TJP2: variants seen among roughly 807,000 people sequenced by gnomAD.
TJP2 encodes the protein tight junction protein 2.
In TJP2, 91 loss-of-function variants were observed where a neutral mutation model predicts 133.1. That is an observed-to-expected ratio of 0.68 (90% CI 0.58 to 0.81). The LOEUF is 0.81. TJP2 is among the 40% of genes least tolerant of loss of function. TJP2 has a pLI of 0.00. For synonymous variants in TJP2, 592 were observed against 583.4 expected, an observed-to-expected ratio of 1.01 and a Z score of -0.21; for missense variants, 1,541 against 1,565.6, an observed-to-expected ratio of 0.98 and a Z score of 0.26.
chr9:69,251,303 A>G lies in TJP2; in HGVS notation c.3260A>G (p.Lys1087Arg). Residue 1087 changes from lysine to arginine, a missense_variant, in exon 21 of 23, where the codon AAG becomes AGG. Physicochemically the swap from Lys to Arg is conservative, Grantham distance 26. Transcript: ENST00000377245. ...SVLGKVKIFEKMDHKARLQRM... is the reference protein window; with the variant it reads ...SVLGKVKIFERMDHKARLQRM... ...CTGGGCAAAGTCAAAATATTTGAGA[A>G]GATGGATCACAAGGCCAGGTTACAG... 6.2e-7 allele frequency: 1 copy of G among 1,614,226 alleles called. No individual in the cohort carries two copies.
chr9:69,131,140 A>C (rs1822478984), intron 1 of TJP2, among the ~76,000 whole-genome samples: 1 of 152,188 alleles, frequency 6.6e-6, no homozygotes, highest in South Asian at 2.1e-4. Context: ...AATTAACGTA[A>C]AACCAGGATG....
chr9:69,213,380 G>A (rs780029327), intron 2 of TJP2, among the ~76,000 whole-genome samples: 4 of 152,096 alleles, frequency 2.6e-5, no homozygotes, highest in South Asian at 2.1e-4. Flanking sequence ...TTTTTATTCC[G>A]TCAAGCTGCC....
intron 19 of TJP2, chr9:69,248,784 C>T (rs1054904723): frequency 7.0e-6 from 7 of 994,090 alleles, no homozygotes; most frequent in Non-Finnish European, 8.4e-6. Flanking sequence ...TCCTTGAAAT[C>T]ACATTGACAG....
intron 17 of TJP2, among the ~76,000 whole-genome samples, chr9:69,244,921 G>C (rs1830821052): frequency 6.6e-6 from 1 of 152,072 alleles, no homozygotes; most frequent in African/African-American, 2.4e-5. Context: ...TTAACTTTAG[G>C]TTTTCTTTAT....
Position 69,238,736 on chromosome 9 carries a change from G to A in TJP2, c.2302G>A (p.Glu768Lys), listed in dbSNP as rs1214894716. 2.5e-6 allele frequency: 4 copies of A among 1,614,016 alleles called. No homozygotes were observed. In the Admixed American group the frequency reaches 6.7e-5, roughly 27 times the overall value. ...AKTEPKDAGSEKSTGVVRLNT... is the reference protein window; with the variant it reads ...AKTEPKDAGSKKSTGVVRLNT... ...AACGGAACCAAAAGATGCAGGATCT[G>A]AGAAATCCACTGGAGTGGTCCGGTT... Residue 768 changes from glutamate to lysine, a missense_variant, in exon 16 of 23, where the codon GAG (glutamate) becomes AAG (lysine). By Grantham distance (56) the Glu-to-Lys change is moderately conservative. Coordinates refer to ENST00000377245, the MANE Select transcript of TJP2 (RefSeq NM_004817.4).
At chr9:69,245,086 TGAGCACAG>T (rs373651029) in intron 17 of TJP2, among the ~76,000 whole-genome samples, 317 of 152,342 alleles carry the variant, frequency 2.1e-3, no homozygotes, top group African/African-American at 7.1e-3. Flanking sequence ...AGCTATGAGA[TGAGCACAG>T]TAATCTTTGC....
intron 2 of TJP2, among the ~76,000 whole-genome samples, chr9:69,163,492 T>C (rs1393514226): frequency 5.3e-5 from 8 of 151,936 alleles, no homozygotes; most frequent in African/African-American, 1.9e-4. Context: ...AAAAATTAGC[T>C]GGGCATGGTG....
At chr9:69,235,592 G>T (rs946198559) in intron 12 of TJP2, among the ~76,000 whole-genome samples, 1 of 152,144 alleles carries the variant, frequency 6.6e-6, no homozygotes, top group Non-Finnish European at 1.5e-5. Context: ...AAAGTGCTGG[G>T]ATTATAGGCA....
chr9:69,222,962 T>C (rs1466312441), intron 5 of TJP2, among the ~76,000 whole-genome samples: 1 of 149,506 alleles, frequency 6.7e-6, no homozygotes, highest in African/African-American at 2.4e-5. Flanking sequence ...CCCACTTCTC[T>C]GGAGGCTGAG....
chr9:69,134,932 G>GAGA, intron 1 of TJP2, among the ~76,000 whole-genome samples: 2 of 150,776 alleles, frequency 1.3e-5, no homozygotes, highest in East Asian at 3.9e-4. Context: ...GGAGAGAGAG[G>GAGA]GAGAAGAGAG....
intron 17 of TJP2, among the ~76,000 whole-genome samples, chr9:69,243,506 T>C (rs1244882204): frequency 2.6e-5 from 4 of 152,236 alleles, no homozygotes; most frequent in Non-Finnish European, 5.9e-5. Flanking sequence ...TACTACCAAT[T>C]TTTAAAAATT....
At chr9:69,154,562 G>A (rs1823642505) in intron 2 of TJP2, among the ~76,000 whole-genome samples, 1 of 151,878 alleles carries the variant, frequency 6.6e-6, no homozygotes, top group African/African-American at 2.4e-5. Context: ...GGCTGAGGCG[G>A]GAGGATCGCT....
chr9:69,210,548 GT>G (rs1209062367), intron 1 of TJP2, among the ~76,000 whole-genome samples: 1 of 152,046 alleles, frequency 6.6e-6, no homozygotes, highest in East Asian at 1.9e-4. Flanking sequence ...TAATTGGGGA[GT>G]TTTACATAAT....
At chr9:69,227,632 G>A (rs1829449181) in intron 7 of TJP2, 133 bp from the exon 8 acceptor site, 1 of 664,742 alleles carries the variant, frequency 1.5e-6, no homozygotes, top group East Asian at 2.7e-5. Flanking sequence ...AGGACTATTA[G>A]ACTAATAGCA....
intron 17 of TJP2, among the ~76,000 whole-genome samples, chr9:69,245,216 T>C (rs2133446962): frequency 2.6e-5 from 4 of 152,362 alleles, no homozygotes; most frequent in Admixed American, 2.6e-4. Context: ...CCAAGGAAAT[T>C]GTAAGCTCAT....
intron 1 of TJP2, among the ~76,000 whole-genome samples, chr9:69,211,244 G>A (rs1428706617): frequency 6.6e-6 from 1 of 152,226 alleles, no homozygotes; most frequent in African/African-American, 2.4e-5. Flanking sequence ...GACTGAGTCA[G>A]GAGAATCGCT....
chr9:69,164,165 A>T (rs777949690), intron 2 of TJP2, among the ~76,000 whole-genome samples: 6 of 152,158 alleles, frequency 3.9e-5, no homozygotes. Flanking sequence ...GCAAATTTGC[A>T]TGGCTACCCT....
In TJP2 at chr9:69,237,911, C is replaced by T; in HGVS notation, c.2213C>T (p.Pro738Leu). The change falls in exon 15 of 23, where the codon CCC (proline) becomes CTC (leucine). Residue 738 changes from proline to leucine, a missense_variant. Physicochemically the swap from Pro to Leu is moderately conservative, Grantham distance 98. Coordinates refer to ENST00000377245, the MANE Select transcript of TJP2 (RefSeq NM_004817.4). Reference protein sequence around the residue: ...GFKRPVVLFGPIADIAMEKLA... With the variant: ...GFKRPVVLFGLIADIAMEKLA... ...AAGAGACCTGTGGTCTTATTCGGCC[C>T]CATAGCTGATATAGCAATGGAAAAA... is the stretch of plus-strand genomic sequence containing the variant. 1 of 1,613,914 alleles carries T rather than the reference C, an allele frequency of 6.2e-7. No homozygotes were observed. The highest frequency in any genetic ancestry group is 8.5e-7 in the Non-Finnish European group (1 of 1,179,902).
chr9:69,236,267 C>T lies in TJP2; in HGVS notation c.1991+29C>T, dbSNP rs371963354. 407 of 1,609,410 alleles carry T rather than the reference C, an allele frequency of 2.5e-4. 1 individual carries two copies. Among genetic ancestry groups the T allele is most frequent in the Non-Finnish European group, 3.1e-4 (369 of 1,177,514 alleles). On this transcript the variant is annotated intron_variant, in intron 13 of 22. Transcript: ENST00000377245. The stretch of plus-strand genomic sequence containing the variant: ...ACAGAGATCGCATTCTCACATACCC[C>T]TTTTAATCCTTCCCCCTGCAGAAAA...
Sources: gnomAD v4.1 joint callset for allele counts (sites outside exome capture counted in the v4.1 genomes callset) on GRCh38, gnomAD v4.1.1 for gene constraint, MANE v1.5 for transcripts, NCBI Gene and HGNC (gene_info 2026-07-23, HGNC 2026-07-21) for gene names.